The following FRMPD4 variants were observed in gnomAD, a reference collection of about 807,000 sequenced individuals.
The protein encoded by FRMPD4 is FERM and PDZ domain-containing protein 4.
A neutral mutation model predicts 94.1 loss-of-function variants in FRMPD4; 22 were observed. The observed-to-expected ratio is 0.23, with a 90% CI of 0.17 to 0.33. The LOEUF (loss-of-function observed/expected upper bound fraction) is 0.33, where lower values mean the gene tolerates loss of function less well. FRMPD4 is among the 10% of genes least tolerant of loss of function. FRMPD4 has a pLI of 1.00. For missense variants in FRMPD4, 1,111 were observed against 1,339.9 expected, an observed-to-expected ratio of 0.83 and a Z score of 2.67; for synonymous variants, 631 against 548.6, an observed-to-expected ratio of 1.15 and a Z score of -2.10.
In FRMPD4 at chrX:12,041,903, TC is replaced by T. The variant is rs777328308; in HGVS notation, c.95+163886del. Among the ~76,000 whole-genome samples the T allele has an allele frequency of 8.9e-5, 10 of 112,083 alleles. No individual in the cohort carries two copies. In the South Asian group the frequency reaches 1.8e-3, roughly 20 times the overall value. ...TAAGTTCTTTGATTCGTCTGTGTTC[TC>T]AAATCTTCTGTTGAATTAATCTTGT... On this transcript the variant is annotated intron_variant, in intron 3 of 18. Transcript: ENST00000640291.
At chrX:12,420,028 T>C (rs1364427606) in intron 1 of FRMPD4, among the ~76,000 whole-genome samples, 1 of 111,649 alleles carries the variant, frequency 9.0e-6, no homozygotes, top group Non-Finnish European at 1.9e-5. Context: ...ACCTAAATAC[T>C]GAGCAGCTTG....
At chrX:12,462,259 T>C (rs1468653982) in intron 1 of FRMPD4, among the ~76,000 whole-genome samples, 6 of 112,017 alleles carry the variant, frequency 5.4e-5, no homozygotes, top group Non-Finnish European at 1.1e-4. Context: ...CTATTTATTT[T>C]ATAAATGAAA....
At chrX:12,138,017 G>C (rs193194308), upstream of FRMPD4, among the ~76,000 whole-genome samples, 507 of 111,397 alleles carry the variant, frequency 4.6e-3, 2 homozygotes, top group African/African-American at 0.016. Context: ...CCCCCTACCC[G>C]CAAATGCCTC....
intron 16 of FRMPD4, among the ~76,000 whole-genome samples, chrX:12,719,048 C>G (rs754197326): frequency 2.7e-5 from 3 of 112,098 alleles, no homozygotes; most frequent in Non-Finnish European, 5.6e-5. Flanking sequence ...TATGTTTTTC[C>G]TAAATTCTAA....
intron 1 of FRMPD4, among the ~76,000 whole-genome samples, chrX:12,427,829 C>T (rs1007606148): frequency 4.6e-5 from 5 of 108,579 alleles, no homozygotes; most frequent in Non-Finnish European, 7.6e-5. Context: ...TTGATTCATC[C>T]GATTTTAGAC....
chrX:12,403,888 T>G (rs920844386), intron 1 of FRMPD4, among the ~76,000 whole-genome samples: 1 of 111,918 alleles, frequency 8.9e-6, no homozygotes, highest in African/African-American at 3.2e-5. Flanking sequence ...GTTTCCCTGC[T>G]GAGTTCTACA....
At chrX:12,111,993 G>T (rs1334332777) in intron 3 of FRMPD4, among the ~76,000 whole-genome samples, 3 of 111,642 alleles carry the variant, frequency 2.7e-5, no homozygotes, top group African/African-American at 9.8e-5. Context: ...TTCAACCATT[G>T]TGGAAGACAG....
At chrX:12,529,646 A>G (rs1256698194) in intron 2 of FRMPD4, among the ~76,000 whole-genome samples, 1 of 112,439 alleles carries the variant, frequency 8.9e-6, no homozygotes, top group Non-Finnish European at 1.9e-5. Flanking sequence ...GGGAACATGG[A>G]TCAACCAATC....
At chrX:12,532,955 T>A (rs1431165749) in intron 2 of FRMPD4, among the ~76,000 whole-genome samples, 1 of 112,363 alleles carries the variant, frequency 8.9e-6, no homozygotes, top group Non-Finnish European at 1.9e-5. Flanking sequence ...TATAATAAAT[T>A]TTCTTTGTAA....
intron 4 of FRMPD4, among the ~76,000 whole-genome samples, chrX:12,623,372 A>G (rs375762263): frequency 4.9e-4 from 5 of 10,300 alleles, no homozygotes; most frequent in Admixed American, 1.4e-3. Context: ...GAATACAATG[A>G]CAAAACTAAA....
At chrX:12,045,477 T>A (rs1292457017) in intron 3 of FRMPD4, among the ~76,000 whole-genome samples, 1 of 111,177 alleles carries the variant, frequency 9.0e-6, no homozygotes, top group Non-Finnish European at 1.9e-5. Flanking sequence ...AATTATTCAC[T>A]CATTCCTTGG....
At chrX:12,380,842 A>T (rs1322936733) in intron 1 of FRMPD4, among the ~76,000 whole-genome samples, 1 of 112,187 alleles carries the variant, frequency 8.9e-6, no homozygotes, top group Non-Finnish European at 1.9e-5. Context: ...TCAGAATGGC[A>T]CAGGGAAATA....
At chrX:12,050,231 G>T (rs1011477885) in intron 3 of FRMPD4, among the ~76,000 whole-genome samples, 1 of 111,299 alleles carries the variant, frequency 9.0e-6, no homozygotes, top group Non-Finnish European at 1.9e-5. Context: ...AGTCCTGCAG[G>T]CTCCATTCAT....
intron 7 of FRMPD4, among the ~76,000 whole-genome samples, chrX:12,688,291 A>G (rs954735093): frequency 8.9e-6 from 1 of 111,916 alleles, no homozygotes; most frequent in Non-Finnish European, 1.9e-5. Context: ...CGAGGTAAAG[A>G]CTTGAATGCA....
chrX:12,450,793 G>T (rs1435024315), intron 1 of FRMPD4, among the ~76,000 whole-genome samples: 2 of 100,753 alleles, frequency 2.0e-5, no homozygotes, highest in Non-Finnish European at 3.9e-5. Flanking sequence ...GACCTTCTAT[G>T]CCCAGAATAA....
intron 3 of FRMPD4, among the ~76,000 whole-genome samples, chrX:12,048,579 G>T (rs745712682): frequency 6.7e-4 from 75 of 111,612 alleles, no homozygotes; most frequent in African/African-American, 2.4e-3. Context: ...TGACCAGAAA[G>T]GTGTTTCCAA....
At chrX:12,070,559 C>A (rs2054958449) in intron 3 of FRMPD4, among the ~76,000 whole-genome samples, 2 of 111,544 alleles carry the variant, frequency 1.8e-5, no homozygotes, top group African/African-American at 6.5e-5. Flanking sequence ...AGCCTAATGT[C>A]ATTCTGTCGC....
intron 4 of FRMPD4, among the ~76,000 whole-genome samples, chrX:12,619,842 G>T (rs988989703): frequency 9.0e-6 from 1 of 111,154 alleles, no homozygotes; most frequent in Admixed American, 9.5e-5. Flanking sequence ...CCAGAGGTAG[G>T]CCTAATGAAC....
At chrX:12,189,598 C>G (rs1161653269) in intron 1 of FRMPD4, among the ~76,000 whole-genome samples, 1 of 111,876 alleles carries the variant, frequency 8.9e-6, no homozygotes, top group African/African-American at 3.2e-5. Context: ...ATATGCAAGT[C>G]TGGTTCAACA....
Sources: allele counts gnomAD v4.1 joint callset (sites outside exome capture counted in the v4.1 genomes callset), GRCh38; gene constraint gnomAD v4.1.1; transcripts MANE v1.5; gene names NCBI Gene and HGNC (gene_info 2026-07-23, HGNC 2026-07-21).